METTL16: variants seen among roughly 807,000 people sequenced by gnomAD.
METTL16 encodes methyltransferase 16, RNA N6-adenosine.
METTL16 carries 19 observed loss-of-function variants against 57.9 expected under a neutral mutation model. The ratio of observed to expected loss-of-function variants is 0.33; its 90% CI spans 0.23 to 0.48. The LOEUF is 0.48. Ranked by LOEUF, METTL16 falls within the 20% of genes least tolerant of loss-of-function variation. METTL16 has a pLI of 0.99. For missense variants in METTL16, 434 were observed against 691.5 expected (o/e 0.63, Z 4.18); for synonymous variants, 246 against 255.6 (o/e 0.96, Z 0.36).
intron 5 of METTL16, among the ~76,000 whole-genome samples, chr17:2,466,219 T>G (rs1285943444): frequency 2.0e-5 from 3 of 147,004 alleles, no homozygotes; most frequent in Non-Finnish European, 4.5e-5. Flanking sequence ...AAAAGCCACT[T>G]AACAGTAAAA....
intron 6 of METTL16, among the ~76,000 whole-genome samples, chr17:2,453,310 T>C (rs1184921378): frequency 2.0e-5 from 3 of 152,216 alleles, no homozygotes; most frequent in Non-Finnish European, 4.4e-5. Context: ...CCCCTTAGGA[T>C]TGCGAATTTC....
At position 2,438,097 on chromosome 17, in the gene METTL16, G is replaced by T. The variant is rs759909565; in HGVS notation, c.888+12C>A. On this transcript the variant is annotated intron_variant, in intron 8 of 9. Coordinates refer to ENST00000263092, the MANE Select transcript of METTL16 (RefSeq NM_024086.4). ...CTGGCAGGTGGTGAAGCGGAGCAAG[G>T]TCTGTACTTACTGGTACTGTGACAT... 1.3e-6 allele frequency: 2 copies of T among 1,598,760 alleles called. No homozygotes were observed. The highest frequency in any genetic ancestry group is 8.6e-7 in the Non-Finnish European group (1 of 1,166,282).
chr17:2,484,054 G>C (rs572009773), intron 2 of METTL16, among the ~76,000 whole-genome samples: 1 of 152,090 alleles, frequency 6.6e-6, no homozygotes, highest in South Asian at 2.1e-4. Context: ...AAAATTTCAT[G>C]GTAAAAGGAA....
At chr17:2,502,113 T>C (rs1296051851) in intron 2 of METTL16, 91 bp downstream of exon 2, 2 of 1,345,914 alleles carry the variant, frequency 1.5e-6, no homozygotes, top group South Asian at 2.7e-5. Flanking sequence ...TTTAATCAAA[T>C]GTCTAAGATT....
chr17:2,424,218 A>C (rs540463004), intron 8 of METTL16: 3 of 148,704 alleles, frequency 2.0e-5, no homozygotes, highest in African/African-American at 7.4e-5. Context: ...GGTTCACGCC[A>C]TTCTCCTGCC....
intron 6 of METTL16, among the ~76,000 whole-genome samples, chr17:2,461,228 G>A (rs879368990): frequency 5.9e-5 from 9 of 152,022 alleles, no homozygotes; most frequent in Non-Finnish European, 1.2e-4. Flanking sequence ...GTGGTGGCGC[G>A]TGCCTGTAGT....
chr17:2,433,884 C>T (rs1190657702), intron 8 of METTL16, among the ~76,000 whole-genome samples: 2 of 152,186 alleles, frequency 1.3e-5, no homozygotes, highest in Non-Finnish European at 2.9e-5. Context: ...CTTTGACTAG[C>T]CCCAGCCTGA....
In METTL16 at chr17:2,441,972, C is replaced by A. The variant is rs144644487; in HGVS notation, c.729-413G>T. ...AGCATGAACCTGTATTGTGAGATGT[C>A]CTCATCTGCACGTAATTTAAGGATA... is the stretch of plus-strand genomic sequence containing the variant. On this transcript the variant is annotated intron_variant, in intron 6 of 9. Coordinates refer to ENST00000263092, the MANE Select transcript of METTL16 (RefSeq NM_024086.4). Among the ~76,000 whole-genome samples the A allele has an allele frequency of 4.4e-4, 67 of 152,272 alleles. 1 individual carries two copies. The highest frequency in any genetic ancestry group is 1.4e-3 in the African/African-American group (60 of 41,558).
chr17:2,426,857 A>G (rs2066823563), intron 8 of METTL16, among the ~76,000 whole-genome samples: 1 of 151,692 alleles, frequency 6.6e-6, no homozygotes, highest in Non-Finnish European at 1.5e-5. Flanking sequence ...AAAATGGGTC[A>G]GGCACGGTGG....
rs557718055 is a variant in METTL16, at chr17:2,427,589, G to A, written c.889-6685C>T. Reference sequence around the variant, plus strand: ...GTTAATGAGTAATATGTTGGCTGAGGACTGGAGTTTTTGGCATGGGATTCT... The same window carrying A: ...GTTAATGAGTAATATGTTGGCTGAGAACTGGAGTTTTTGGCATGGGATTCT... On this transcript the variant is annotated intron_variant, in intron 8 of 9. Coordinates refer to ENST00000263092, the MANE Select transcript of METTL16 (RefSeq NM_024086.4). 5.3e-5 allele frequency among the ~76,000 whole-genome samples: 8 copies of A among 152,244 alleles called. No individual in the cohort carries two copies. In the East Asian group the frequency reaches 1.5e-3, roughly 29 times the overall value.
At chr17:2,505,318 T>G (rs952861969) in intron 1 of METTL16, among the ~76,000 whole-genome samples, 23 of 150,962 alleles carry the variant, frequency 1.5e-4, no homozygotes, top group African/African-American at 5.1e-4. Context: ...AAATCACCAC[T>G]TCTGTAGGTT....
chr17:2,508,970 C>T (rs997172413), intron 1 of METTL16, among the ~76,000 whole-genome samples: 1 of 152,144 alleles, frequency 6.6e-6, no homozygotes, highest in African/African-American at 2.4e-5. Flanking sequence ...CAACCTCCCA[C>T]CATCGCCTTT....
intron 1 of METTL16, among the ~76,000 whole-genome samples, chr17:2,506,420 C>T (rs567538111): frequency 1.3e-5 from 2 of 152,024 alleles, no homozygotes; most frequent in African/African-American, 4.8e-5. Flanking sequence ...CGAGTGCCTG[C>T]GATTGCAGGC....
At chr17:2,508,835 T>A (rs887764176) in intron 1 of METTL16, among the ~76,000 whole-genome samples, 5 of 152,198 alleles carry the variant, frequency 3.3e-5, no homozygotes, top group African/African-American at 9.6e-5. Flanking sequence ...CCAGGCCTTA[T>A]CTGTCCCTCC....
chr17:2,459,641 A>G (rs935660373), intron 6 of METTL16, among the ~76,000 whole-genome samples: 2 of 152,206 alleles, frequency 1.3e-5, no homozygotes, highest in Admixed American at 1.3e-4. Flanking sequence ...TTCAAAATAC[A>G]CAATTTTCAG....
chr17:2,441,708 A>G (rs557472376), intron 6 of METTL16, 149 bp from the exon 7 acceptor site: 19 of 455,522 alleles, frequency 4.2e-5, no homozygotes, highest in Non-Finnish European at 6.9e-5. Flanking sequence ...CATACAATGT[A>G]TTTCGACAAA....
intron 6 of METTL16, among the ~76,000 whole-genome samples, chr17:2,447,697 AG>A (rs1247736348): frequency 1.4e-4 from 17 of 123,830 alleles, no homozygotes; most frequent in Non-Finnish European, 2.9e-4. Context: ...CCCGTCCGGG[AG>A]GGGGGAGGGG....
chr17:2,445,668 C>G (rs1331897330), intron 6 of METTL16, among the ~76,000 whole-genome samples: 1 of 151,792 alleles, frequency 6.6e-6, no homozygotes, highest in African/African-American at 2.4e-5. Flanking sequence ...CACCTGTAAT[C>G]CTAGCTACTC....
chr17:2,508,075 G>A lies in METTL16; in HGVS notation c.-1+3684C>T, dbSNP rs548629060. ...CTGACCTTCCCTCCACTATTGTCCT[G>A]TGACCCTGCCAAATCCCCCTCTGCG... On this transcript the variant is annotated intron_variant, in intron 1 of 9. Coordinates refer to ENST00000263092, the MANE Select transcript of METTL16 (RefSeq NM_024086.4). Among the ~76,000 whole-genome samples, 16 of 150,724 alleles carry A rather than the reference G, an allele frequency of 1.1e-4. No homozygotes were observed. In the East Asian group the frequency reaches 2.5e-3, roughly 24 times the overall value.
Sources: allele counts gnomAD v4.1 joint callset (sites outside exome capture counted in the v4.1 genomes callset), GRCh38; gene constraint gnomAD v4.1.1; transcripts MANE v1.5; gene names NCBI Gene and HGNC (gene_info 2026-07-23, HGNC 2026-07-21).